The following CADM1 variants were observed in gnomAD, a reference collection of about 807,000 sequenced individuals.
CADM1 encodes cell adhesion molecule 1, also known as TSLC-1.
In CADM1, 15 loss-of-function variants were observed where a neutral mutation model predicts 53.1. That is an observed-to-expected ratio of 0.28 (90% CI 0.19 to 0.44). The LOEUF is 0.44. CADM1 is among the 20% of genes least tolerant of loss of function. CADM1 has a pLI of 1.00. For synonymous variants in CADM1, 281 were observed against 243.0 expected (o/e 1.16, Z -1.45); for missense variants, 434 against 611.3 (o/e 0.71, Z 3.06).
At chr11:115,295,518 ATATATATAT>A (rs1346857958) in intron 1 of CADM1, among the ~76,000 whole-genome samples, 1 of 65,574 alleles carries the variant, frequency 1.5e-5, no homozygotes, top group Non-Finnish European at 2.4e-5. Flanking sequence ...ATATATATAT[ATATATATAT>A]ATATATATAT....
intron 1 of CADM1, among the ~76,000 whole-genome samples, chr11:115,313,848 C>A (rs1200061297): frequency 2.0e-5 from 3 of 152,134 alleles, no homozygotes; most frequent in Non-Finnish European, 4.4e-5. Context: ...CAAAAGGTGG[C>A]AGAGCTGCCA....
rs575696048 is a variant in CADM1, at chr11:115,455,929, C to A, written c.124+48342G>T. ...AGCAACTCCAGGGTTCAAATAAGTT[C>A]CCTCTGAGAAGTGGAGCCTTTCATG... On this transcript the variant is annotated intron_variant, in intron 1 of 11. Coordinates refer to ENST00000331581, the MANE Select transcript of CADM1 (RefSeq NM_001301043.2). 8.9e-4 allele frequency among the ~76,000 whole-genome samples: 136 copies of A among 152,232 alleles called. 1 individual carries two copies. Among genetic ancestry groups the A allele is most frequent in the Middle Eastern group, 6.8e-3 (2 of 294 alleles).
At chr11:115,250,715 CT>C (rs1412717649) in intron 1 of CADM1, among the ~76,000 whole-genome samples, 6 of 151,986 alleles carry the variant, frequency 3.9e-5, no homozygotes, top group African/African-American at 9.7e-5. Context: ...CGCTATGCTT[CT>C]TTTTTTTCCC....
intron 1 of CADM1, among the ~76,000 whole-genome samples, chr11:115,286,636 T>A (rs2135095993): frequency 6.6e-6 from 1 of 152,350 alleles, no homozygotes; most frequent in African/African-American, 2.4e-5. Flanking sequence ...TTAGGATTTC[T>A]AGTTGAAACA....
chr11:115,451,735 C>T (rs1948576311), intron 1 of CADM1, among the ~76,000 whole-genome samples: 1 of 152,122 alleles, frequency 6.6e-6, no homozygotes, highest in Non-Finnish European at 1.5e-5. Context: ...GTTTTCCTTG[C>T]TAATTTAGGC....
chr11:115,181,818 G>A (rs1939325795), intron 10 of CADM1, among the ~76,000 whole-genome samples: 1 of 152,214 alleles, frequency 6.6e-6, no homozygotes, highest in Admixed American at 6.5e-5. Flanking sequence ...CAGCAGGGCC[G>A]GGGTGAGCTG....
intron 1 of CADM1, among the ~76,000 whole-genome samples, chr11:115,300,659 A>G (rs1347654394): frequency 6.6e-6 from 1 of 152,106 alleles, no homozygotes; most frequent in African/African-American, 2.4e-5. Flanking sequence ...TTTACAATGT[A>G]CCTTAACAGC....
At chr11:115,217,689 CATTTA>C (rs1484374508) in intron 6 of CADM1, among the ~76,000 whole-genome samples, 198 bp downstream of exon 6, 1 of 152,104 alleles carries the variant, frequency 6.6e-6, no homozygotes, top group Admixed American at 6.6e-5. Flanking sequence ...TCTTAGCGGG[CATTTA>C]ATTTTTCTCC....
At chr11:115,341,759 A>T (rs537512442) in intron 1 of CADM1, among the ~76,000 whole-genome samples, 1 of 152,334 alleles carries the variant, frequency 6.6e-6, no homozygotes, top group East Asian at 1.9e-4. Flanking sequence ...TAATATAAAG[A>T]TCCTTTTTTC....
At chr11:115,269,503 C>T (rs1167181359) in intron 1 of CADM1, among the ~76,000 whole-genome samples, 2 of 152,128 alleles carry the variant, frequency 1.3e-5, no homozygotes, top group East Asian at 3.9e-4. Context: ...TTCTTGAAAA[C>T]TAGGAGCTGT....
intron 1 of CADM1, among the ~76,000 whole-genome samples, chr11:115,300,086 T>A (rs1944179615): frequency 6.6e-6 from 1 of 152,158 alleles, no homozygotes; most frequent in South Asian, 2.1e-4. Flanking sequence ...AGACTTTTTT[T>A]GGTTGATCCA....
chr11:115,210,063 T>C (rs1292532294), intron 7 of CADM1, among the ~76,000 whole-genome samples: 2 of 152,214 alleles, frequency 1.3e-5, no homozygotes, highest in African/African-American at 4.8e-5. Flanking sequence ...TGCTGCTCTA[T>C]TAGGGGGCTC....
intron 1 of CADM1, among the ~76,000 whole-genome samples, chr11:115,241,171 A>G (rs956664120): frequency 6.6e-6 from 1 of 152,160 alleles, no homozygotes; most frequent in African/African-American, 2.4e-5. Context: ...TATAAGGATT[A>G]TCTTCAGATC....
At chr11:115,399,530 A>C (rs190249692) in intron 1 of CADM1, 6 of 152,324 alleles carry the variant, frequency 3.9e-5, no homozygotes, top group Admixed American at 1.3e-4. Flanking sequence ...GAAATATGAG[A>C]GAAAACACCA....
At chr11:115,417,308 G>A (rs1947624892) in intron 1 of CADM1, among the ~76,000 whole-genome samples, 1 of 152,194 alleles carries the variant, frequency 6.6e-6, no homozygotes, top group African/African-American at 2.4e-5. Flanking sequence ...CGGGAAACTT[G>A]TGGTGAATCT....
intron 1 of CADM1, among the ~76,000 whole-genome samples, chr11:115,408,523 T>C (rs950811370): frequency 3.3e-5 from 5 of 152,212 alleles, no homozygotes; most frequent in Non-Finnish European, 7.3e-5. Flanking sequence ...CCAACTGTGT[T>C]GGTTACTGAC....
At chr11:115,183,109 TAAG>T (rs1421327896) in intron 10 of CADM1, among the ~76,000 whole-genome samples, 1 of 152,156 alleles carries the variant, frequency 6.6e-6, no homozygotes, top group African/African-American at 2.4e-5. Flanking sequence ...TCATGGGCAA[TAAG>T]AAGGGGAAGT....
intron 1 of CADM1, among the ~76,000 whole-genome samples, chr11:115,390,316 G>A (rs1401959157): frequency 6.6e-6 from 1 of 151,976 alleles, no homozygotes; most frequent in African/African-American, 2.4e-5. Flanking sequence ...AACTGGACAA[G>A]CCCAATTATA....
chr11:115,408,035 A>G (rs1329233610), intron 1 of CADM1, among the ~76,000 whole-genome samples: 1 of 152,056 alleles, frequency 6.6e-6, no homozygotes, highest in Non-Finnish European at 1.5e-5. Context: ...GGGGGGTGGT[A>G]GTAATTTGCC....
Sources: allele counts gnomAD v4.1 joint callset (sites outside exome capture counted in the v4.1 genomes callset), GRCh38; gene constraint gnomAD v4.1.1; transcripts MANE v1.5; gene names NCBI Gene and HGNC (gene_info 2026-07-23, HGNC 2026-07-21).